Variants in STK39 observed in about 807,000 individuals in gnomAD.
STK39 encodes the protein serine/threonine kinase 39.
STK39 carries 20 observed loss-of-function variants against 77.8 expected under a neutral mutation model. The observed-to-expected ratio is 0.26, with a 90% CI of 0.18 to 0.37. STK39 has a LOEUF of 0.37. Among genes scored for constraint, STK39 ranks in the 10% least tolerant of loss-of-function variants. The pLI is 1.00. For missense variants in STK39, 479 were observed against 656.5 expected (o/e 0.73, Z 2.95); for synonymous variants, 246 against 234.1 (o/e 1.05, Z -0.47).
intron 10 of STK39, among the ~76,000 whole-genome samples, chr2:168,121,824 G>C (rs367653794): frequency 2.6e-5 from 4 of 152,322 alleles, no homozygotes; most frequent in Admixed American, 6.5e-5. Flanking sequence ...ATCCTGCACA[G>C]ATCATCTCTC....
chr2:168,198,069 T>C (rs923992758), intron 1 of STK39, among the ~76,000 whole-genome samples: 5 of 149,754 alleles, frequency 3.3e-5, no homozygotes, highest in Admixed American at 6.6e-5. Flanking sequence ...AATAAAACCA[T>C]ACTAAACAAC....
At position 168,013,523 on chromosome 2, in the gene STK39, C is replaced by T. The variant is rs191640187; in HGVS notation, c.1430-821G>A. ...AGGGAGCTGACTCGGTTCAAGAGAG[C>T]TGACTTGGTCCCCAGGGACTTCAGA... On this transcript the variant is annotated intron_variant, in intron 15 of 17. Coordinates refer to ENST00000355999, the MANE Select transcript of STK39 (RefSeq NM_013233.3). 6.6e-5 allele frequency among the ~76,000 whole-genome samples: 10 copies of T among 152,322 alleles called. 1 individual carries two copies. The highest frequency in any genetic ancestry group is 2.2e-4 in the African/African-American group (9 of 41,568).
intron 13 of STK39, among the ~76,000 whole-genome samples, chr2:168,064,896 C>T (rs1203496868): frequency 6.6e-6 from 1 of 152,162 alleles, no homozygotes; most frequent in East Asian, 1.9e-4. Flanking sequence ...GTCACAGTTA[C>T]TGGACTATTA....
chr2:168,161,181 C>T (rs1688562326), intron 5 of STK39, among the ~76,000 whole-genome samples: 1 of 152,048 alleles, frequency 6.6e-6, no homozygotes. Flanking sequence ...TTAATATGGG[C>T]GTGGCTACAT....
At chr2:168,170,746 G>A (rs958177594) in intron 2 of STK39, among the ~76,000 whole-genome samples, 1 of 152,192 alleles carries the variant, frequency 6.6e-6, no homozygotes, top group Non-Finnish European at 1.5e-5. Flanking sequence ...GCCCAGTAGT[G>A]GGTCTGGCCG....
intron 6 of STK39, 61 bp from the exon 7 acceptor site, chr2:168,140,451 T>C (rs1687951542): frequency 7.0e-7 from 1 of 1,437,030 alleles, no homozygotes; most frequent in South Asian, 1.1e-5. Context: ...CATCATCAAG[T>C]CCATGTCATG....
At chr2:168,127,688 T>G (rs1367597955) in intron 10 of STK39, among the ~76,000 whole-genome samples, 1 of 152,224 alleles carries the variant, frequency 6.6e-6, no homozygotes, top group Non-Finnish European at 1.5e-5. Flanking sequence ...TTTCATTTAT[T>G]TGCTCTTCTG....
intron 16 of STK39, among the ~76,000 whole-genome samples, chr2:167,966,566 A>G (rs528541235): frequency 6.6e-6 from 1 of 152,256 alleles, no homozygotes; most frequent in South Asian, 2.1e-4. Flanking sequence ...TGTTCAGTCA[A>G]AAGCAGAGCT....
At chr2:168,189,007 G>C (rs1377874782) in intron 1 of STK39, among the ~76,000 whole-genome samples, 1 of 152,198 alleles carries the variant, frequency 6.6e-6, no homozygotes, top group Non-Finnish European at 1.5e-5. Flanking sequence ...CAAGCTGACT[G>C]AGTTTTGTCC....
chr2:168,021,370 A>C (rs987059444), intron 14 of STK39, among the ~76,000 whole-genome samples: 1 of 152,196 alleles, frequency 6.6e-6, no homozygotes, highest in Non-Finnish European at 1.5e-5. Flanking sequence ...AAAAGATCAC[A>C]GTGATTGATT....
At chr2:168,180,748 C>T (rs184362392) in intron 2 of STK39, among the ~76,000 whole-genome samples, 292 of 152,198 alleles carry the variant, frequency 1.9e-3, no homozygotes, top group African/African-American at 6.6e-3. Context: ...TCAGTAAGAG[C>T]AAAGCACAGC....
chr2:168,238,768 G>A (rs1407016175), intron 1 of STK39, among the ~76,000 whole-genome samples: 1 of 152,282 alleles, frequency 6.6e-6, no homozygotes, highest in East Asian at 1.9e-4. Context: ...AGCCAAGTCT[G>A]AAATGACTTT....
intron 1 of STK39, among the ~76,000 whole-genome samples, chr2:168,234,301 T>C (rs577225193): frequency 2.0e-5 from 3 of 152,334 alleles, no homozygotes; most frequent in African/African-American, 4.8e-5. Flanking sequence ...TAGCCACAGT[T>C]CATTATTGAG....
intron 1 of STK39, among the ~76,000 whole-genome samples, chr2:168,227,093 T>C (rs1027245079): frequency 1.8e-4 from 28 of 152,216 alleles, no homozygotes; most frequent in Admixed American, 7.9e-4. Context: ...GTAATATATA[T>C]ATATTACTTT....
At position 168,141,639 on chromosome 2, in the gene STK39, T is replaced by C. The variant is rs1185571647; in HGVS notation, c.629-881A>G. 4.6e-5 allele frequency among the ~76,000 whole-genome samples: 7 copies of C among 152,202 alleles called. No homozygotes were observed. The South Asian group carries it at 6.2e-4, about 14-fold the overall frequency. ...TCAAGACTAGTGTACCTATCAATGA[T>C]AGCCAGGTCAAGGACTACTTGATAG... On this transcript the variant is annotated intron_variant, in intron 5 of 17. Transcript: ENST00000355999.
At chr2:168,213,515 GTC>G (rs950969199) in intron 1 of STK39, among the ~76,000 whole-genome samples, 11 of 151,684 alleles carry the variant, frequency 7.3e-5, no homozygotes, top group Non-Finnish European at 7.4e-5. Context: ...GCAAAACCCT[GTC>G]TCTACAAAAA....
chr2:167,990,637 C>A (rs1345653167), intron 16 of STK39, among the ~76,000 whole-genome samples: 8 of 152,148 alleles, frequency 5.3e-5, no homozygotes, highest in African/African-American at 1.9e-4. Flanking sequence ...ATGCAGAACC[C>A]CAATTTTTGC....
chr2:168,034,618 G>T (rs1358754663), intron 14 of STK39, among the ~76,000 whole-genome samples: 1 of 152,328 alleles, frequency 6.6e-6, no homozygotes, highest in Middle Eastern at 3.4e-3. Flanking sequence ...GAACTCACTG[G>T]ACTAAGGGAT....
intron 1 of STK39, among the ~76,000 whole-genome samples, chr2:168,219,874 T>TC (rs1188671621): frequency 1.1e-5 from 1 of 91,508 alleles, no homozygotes; most frequent in Non-Finnish European, 3.7e-5. Flanking sequence ...TCTTGCTTTT[T>TC]TTTTTTTTTT....
Sources: allele counts gnomAD v4.1 joint callset (sites outside exome capture counted in the v4.1 genomes callset), GRCh38; gene constraint gnomAD v4.1.1; transcripts MANE v1.5; gene names NCBI Gene and HGNC (gene_info 2026-07-23, HGNC 2026-07-21).